Variants in FNBP1 observed in about 807,000 individuals in gnomAD.
FNBP1 encodes the protein formin-binding protein 1.
FNBP1 carries 26 observed loss-of-function variants against 90.6 expected under a neutral mutation model. That is an observed-to-expected ratio of 0.29 (90% CI 0.21 to 0.40). FNBP1 has a LOEUF of 0.40. Among genes scored for constraint, FNBP1 ranks in the 10% least tolerant of loss-of-function variants. The pLI is 1.00. For missense variants in FNBP1, 635 were observed against 768.0 expected, an observed-to-expected ratio of 0.83 and a Z score of 2.05; for synonymous variants, 260 against 265.2, an observed-to-expected ratio of 0.98 and a Z score of 0.19.
chr9:129,895,795 T>C, intron 16 of FNBP1, 43 bp downstream of exon 16: 2 of 1,494,454 alleles, frequency 1.3e-6, no homozygotes, highest in East Asian at 5.0e-5. Context: ...TCCATTTTTT[T>C]TAAGTTTTTT....
intron 1 of FNBP1, among the ~76,000 whole-genome samples, chr9:130,022,692 T>G (rs1447012530): frequency 6.6e-6 from 1 of 152,190 alleles, no homozygotes. Flanking sequence ...AGACAGGGTT[T>G]CACTCTGTGG....
intron 15 of FNBP1, among the ~76,000 whole-genome samples, chr9:129,898,554 G>A (rs1337143887): frequency 6.6e-6 from 1 of 151,530 alleles, no homozygotes; most frequent in Non-Finnish European, 1.5e-5. Context: ...AAAGTGGCAC[G>A]ACCTCGGCTC....
chr9:129,998,066 T>A (rs1356830721), intron 1 of FNBP1, among the ~76,000 whole-genome samples: 1 of 150,922 alleles, frequency 6.6e-6, no homozygotes, highest in South Asian at 2.1e-4. Flanking sequence ...CATGGTGGCA[T>A]GCACCTGTAA....
At chr9:129,992,549 C>CTTTTTTTTTTTTTTTTTTTTTTTTTTTT (rs11455680) in intron 2 of FNBP1, among the ~76,000 whole-genome samples, 1 of 92,532 alleles carries the variant, frequency 1.1e-5, no homozygotes. Context: ...ACACATAGCT[C>CTTTTTTTTTTTTTTTTTTTTTTTTTTTT]TTTTTTTTTT....
chr9:129,905,308 A>T (rs547399511), intron 12 of FNBP1, among the ~76,000 whole-genome samples: 57 of 147,988 alleles, frequency 3.9e-4, no homozygotes, highest in African/African-American at 1.2e-3. Flanking sequence ...ATATATATAT[A>T]TATATTTTGT....
rs1467491698 is a variant in FNBP1 at position 130,041,102 on chromosome 9, G to A, written c.24+1850C>T. 6.6e-6 allele frequency among the ~76,000 whole-genome samples: 1 copy of A among 150,486 alleles called. No homozygotes were observed. The highest frequency in any genetic ancestry group is 1.5e-5 in the Non-Finnish European group (1 of 67,872). Reference sequence around the variant, plus strand: ...TCCTCCCGACTCAGCCTCCCAAGGTGCTGGCAATATAGGCCTGAGCCACTG... The same window carrying A: ...TCCTCCCGACTCAGCCTCCCAAGGTACTGGCAATATAGGCCTGAGCCACTG... On this transcript the variant is annotated intron_variant, in intron 1 of 16. Coordinates refer to ENST00000446176, the MANE Select transcript of FNBP1 (RefSeq NM_015033.3). This position sits in a 1 kb window ranked among gnomAD's most constrained non-coding sequence, Gnocchi z 4.3.
intron 1 of FNBP1, among the ~76,000 whole-genome samples, chr9:130,007,246 A>G (rs2417193): frequency 4.0e-5 from 6 of 148,930 alleles, no homozygotes; most frequent in African/African-American, 1.5e-4. Flanking sequence ...TGTCAAAAAA[A>G]AAAAAAAAAA....
Position 129,957,969 on chromosome 9 carries a change from T to C in FNBP1, c.409-505A>G, listed in dbSNP as rs2047202303. On this transcript the variant is annotated intron_variant, in intron 5 of 16. Transcript: ENST00000446176. The surrounding 1 kb of genome is among the most constrained non-coding windows in gnomAD (Gnocchi z 4.3). The stretch of plus-strand genomic sequence containing the variant: ...ATCTTTATTATTTCCACGTGACTTT[T>C]AGAAAAATACTCAACTTGAGCTCTT... Among the ~76,000 whole-genome samples, 1 of 152,244 alleles carries C rather than the reference T, an allele frequency of 6.6e-6. No homozygotes were observed. Among genetic ancestry groups the C allele is most frequent in the Non-Finnish European group, 1.5e-5 (1 of 68,048 alleles).
At chr9:129,969,762 AT>A (rs1240627632) in intron 4 of FNBP1, among the ~76,000 whole-genome samples, 9 of 150,906 alleles carry the variant, frequency 6.0e-5, no homozygotes, top group Admixed American at 2.0e-4. Context: ...TTAAAAAAAA[AT>A]TTTTTTTTAA....
At chr9:130,048,989 C>A in the FNBP1 span, among the ~76,000 whole-genome samples, 7 of 151,744 alleles carry the variant, frequency 4.6e-5, no homozygotes, top group African/African-American at 1.7e-4. Context: ...ACCGTGTTAG[C>A]CAGGATGGTC....
chr9:129,995,488 G>A (rs1223264715), intron 1 of FNBP1, among the ~76,000 whole-genome samples: 2 of 152,148 alleles, frequency 1.3e-5, no homozygotes, highest in African/African-American at 4.8e-5. Context: ...TGGAGCTGGG[G>A]AACCAAAATG....
rs1350630967 is a variant in FNBP1 at position 129,890,350 on chromosome 9, C to G, written c.*189G>C. On this transcript the variant is annotated 3_prime_UTR_variant, in exon 17 of 17. Transcript: ENST00000446176. The surrounding 1 kb of genome is among the most constrained non-coding windows in gnomAD (Gnocchi z 5.8). ...GGGCGCTGGCGAGACTTGTCCCCCA[C>G]GAGGTGGCCCGGGCTGGGCGGGAGG... is the stretch of plus-strand genomic sequence containing the variant. The G allele has an allele frequency of 1.7e-6, 1 of 596,838 alleles. No individual in the cohort carries two copies. Among genetic ancestry groups the G allele is most frequent in the Non-Finnish European group, 3.0e-6 (1 of 335,038 alleles). 37.0% of individuals were successfully genotyped at this position (596,838 alleles called of 1,614,324 possible).
At position 129,916,203 on chromosome 9, in the gene FNBP1, A is replaced by G. The variant is rs1382487378; in HGVS notation, c.1171-223T>C. On this transcript the variant is annotated intron_variant, in intron 10 of 16. Coordinates refer to ENST00000446176, the MANE Select transcript of FNBP1 (RefSeq NM_015033.3). Reference sequence around the variant, plus strand: ...TAATAACATTTTTCTTAGGCTCCACATTGCCAGAGCCAAAGATCAGATAGA... The same window carrying G: ...TAATAACATTTTTCTTAGGCTCCACGTTGCCAGAGCCAAAGATCAGATAGA... 12 of 567,264 alleles carry G rather than the reference A, an allele frequency of 2.1e-5. No homozygotes were observed. In the Admixed American group the frequency reaches 3.5e-4, roughly 16 times the overall value. 35.1% of individuals were successfully genotyped at this position (567,264 alleles called of 1,614,324 possible).
chr9:129,905,080 C>T (rs893865531), intron 12 of FNBP1, among the ~76,000 whole-genome samples: 6 of 151,592 alleles, frequency 4.0e-5, no homozygotes, highest in African/African-American at 7.3e-5. Context: ...ATGTCCTTTC[C>T]GAAACCCGTC....
At position 130,019,335 on chromosome 9, in the gene FNBP1, C is replaced by T. The variant is rs978795724; in HGVS notation, c.24+23617G>A. On this transcript the variant is annotated intron_variant, in intron 1 of 16. Transcript: ENST00000446176. ...AAAAAAAGATCAAATTGTTATATTT[C>T]TCCCCCAGATAAAAATGATCATAAG... Among the ~76,000 whole-genome samples the T allele has an allele frequency of 3.3e-5, 5 of 150,772 alleles. No homozygotes were observed. In the East Asian group the frequency reaches 9.7e-4, roughly 29 times the overall value.
chr9:129,926,057 T>C (rs1162064183), intron 8 of FNBP1, among the ~76,000 whole-genome samples: 1 of 151,676 alleles, frequency 6.6e-6, no homozygotes, highest in Non-Finnish European at 1.5e-5. Flanking sequence ...CTGCAATCCC[T>C]GCCTCCTGAG....
chr9:130,051,903 G>A, the FNBP1 span, among the ~76,000 whole-genome samples: 1 of 152,182 alleles, frequency 6.6e-6, no homozygotes, highest in African/African-American at 2.4e-5. Context: ...TCCAGCCCCT[G>A]CAGGCTTTTT....
chr9:129,970,755 C>T (rs1267090608), intron 4 of FNBP1, among the ~76,000 whole-genome samples: 1 of 152,152 alleles, frequency 6.6e-6, no homozygotes, highest in East Asian at 1.9e-4. Context: ...ACCTCCTTGT[C>T]CAGGGCTTCC....
intron 6 of FNBP1, among the ~76,000 whole-genome samples, chr9:129,950,896 C>T (rs993052736): frequency 3.3e-5 from 5 of 151,466 alleles, no homozygotes; most frequent in African/African-American, 4.9e-5. Context: ...AGAGCTCAAG[C>T]GATCCTCCCA....
Sources: allele counts gnomAD v4.1 joint callset (sites outside exome capture counted in the v4.1 genomes callset), GRCh38; gene constraint gnomAD v4.1.1; non-coding constraint Gnocchi (gnomAD v3.1); transcripts MANE v1.5; gene names NCBI Gene and HGNC (gene_info 2026-07-23, HGNC 2026-07-21).